CLSTN2: variants seen among roughly 807,000 people sequenced by gnomAD.
CLSTN2 encodes calsyntenin-2.
A neutral mutation model predicts 101.2 loss-of-function variants in CLSTN2; 48 were observed. The observed-to-expected ratio is 0.47, with a 90% confidence interval of 0.38 to 0.60. The LOEUF is 0.60. Ranked by LOEUF, CLSTN2 falls within the 20% of genes least tolerant of loss-of-function variation. The pLI is 0.00. For synonymous variants in CLSTN2, 481 were observed against 463.6 expected (o/e 1.04, Z -0.48); for missense variants, 1,160 against 1,238.2 (o/e 0.94, Z 0.95).
chr3:140,167,545 C>T (rs140173795), intron 1 of CLSTN2, among the ~76,000 whole-genome samples: 353 of 152,274 alleles, frequency 2.3e-3, no homozygotes, highest in African/African-American at 8.1e-3. Context: ...ACATGTATTG[C>T]GGCATAATTT....
At chr3:140,337,376 T>A (rs1315578636) in intron 2 of CLSTN2, among the ~76,000 whole-genome samples, 3 of 152,206 alleles carry the variant, frequency 2.0e-5, no homozygotes, top group Non-Finnish European at 4.4e-5. Context: ...ATTCTCCCTG[T>A]GTCTTTATAT....
chr3:140,438,359 A>G lies in CLSTN2; in HGVS notation c.788-10160A>G, dbSNP rs1040272832. On this transcript the variant is annotated intron_variant, in intron 5 of 16. Coordinates refer to ENST00000458420, the MANE Select transcript of CLSTN2 (RefSeq NM_022131.3). The stretch of plus-strand genomic sequence containing the variant: ...CCTGCAGAAGTGAGAATTTGATTTC[A>G]GCTTGCGACTCTTGTTCAGCGAAAT... Among the ~76,000 whole-genome samples, 4 of 143,272 alleles carry G rather than the reference A, an allele frequency of 2.8e-5. No individual in the cohort carries two copies. In the Admixed American group the frequency reaches 3.0e-4, roughly 11 times the overall value. 94.0% of individuals were successfully genotyped at this position (143,272 alleles called of 152,430 possible). A position where few individuals can be genotyped will look rare whatever the true frequency, so the allele number is the denominator to read the frequency against.
At chr3:140,135,185 A>G (rs1264664000) in intron 1 of CLSTN2, among the ~76,000 whole-genome samples, 1 of 136,704 alleles carries the variant, frequency 7.3e-6, no homozygotes, top group African/African-American at 2.7e-5. Context: ...TATTACAGTC[A>G]TCCTATGGAA....
Position 140,563,949 on chromosome 3 carries a change from T to C in CLSTN2, c.2483-12T>C. On this transcript the variant is annotated splice_polypyrimidine_tract_variant and intron_variant, in intron 15 of 16. Coordinates refer to ENST00000458420, the MANE Select transcript of CLSTN2 (RefSeq NM_022131.3). ...TGTTCACCATGTCATGCGAGTTTTT[T>C]CCTTGTTCCAGTGGTCCCAAGCATT... The C allele has an allele frequency of 1.9e-6, 3 of 1,612,644 alleles. No individual in the cohort carries two copies. Among genetic ancestry groups the C allele is most frequent in the Non-Finnish European group, 2.5e-6 (3 of 1,178,804 alleles).
At chr3:140,174,054 G>A (rs1472373232) in intron 1 of CLSTN2, among the ~76,000 whole-genome samples, 1 of 152,062 alleles carries the variant, frequency 6.6e-6, no homozygotes, top group African/African-American at 2.4e-5. Flanking sequence ...CTTTTCTATC[G>A]CATTGTCAGG....
chr3:140,098,447 A>G (rs7652623), intron 1 of CLSTN2, among the ~76,000 whole-genome samples: 84,952 of 152,090 alleles, frequency 0.56, 25,070 homozygotes, highest in African/African-American at 0.75. Context: ...CTGATTTCTC[A>G]CCAGCTGTCA....
intron 2 of CLSTN2, among the ~76,000 whole-genome samples, chr3:140,322,034 A>G (rs2087288468): frequency 6.6e-6 from 1 of 152,170 alleles, no homozygotes; most frequent in Non-Finnish European, 1.5e-5. Context: ...ATCTCTTCAG[A>G]CCTCAGGGCC....
chr3:140,097,427 A>C lies in CLSTN2; in HGVS notation c.110-78524A>C, dbSNP rs1454399034. On this transcript the variant is annotated intron_variant, in intron 1 of 16. Transcript: ENST00000458420. ...TCAGCCTACCATTTTTCTTGCGATC[A>C]CCTTGATGATAATAATGCTCACAGC... is the stretch of plus-strand genomic sequence containing the variant. Among the ~76,000 whole-genome samples, 5 of 152,242 alleles carry C rather than the reference A, an allele frequency of 3.3e-5. No homozygotes were observed. The South Asian group carries it at 1.0e-3, about 32-fold the overall frequency.
At chr3:140,203,369 G>T (rs2010741929) in intron 2 of CLSTN2, among the ~76,000 whole-genome samples, 1 of 151,048 alleles carries the variant, frequency 6.6e-6, no homozygotes, top group Non-Finnish European at 1.5e-5. Context: ...AGTGAGGCAG[G>T]ACCCACTCCA....
At chr3:140,519,229 G>A (rs1393993843) in intron 8 of CLSTN2, among the ~76,000 whole-genome samples, 1 of 152,202 alleles carries the variant, frequency 6.6e-6, no homozygotes, top group African/African-American at 2.4e-5. Flanking sequence ...TGCATTCACT[G>A]AGGAGTCTTT....
chr3:140,198,018 T>C (rs1486294548), intron 2 of CLSTN2, among the ~76,000 whole-genome samples: 3 of 152,192 alleles, frequency 2.0e-5, no homozygotes, highest in Non-Finnish European at 4.4e-5. Flanking sequence ...TGAAGTGGTC[T>C]TGAAAGTCCT....
chr3:140,101,349 A>G (rs2008961862), intron 1 of CLSTN2, among the ~76,000 whole-genome samples: 1 of 152,212 alleles, frequency 6.6e-6, no homozygotes, highest in African/African-American at 2.4e-5. Context: ...TTATTACTGC[A>G]TATGCCAGTG....
At chr3:140,087,795 T>C (rs1022173645) in intron 1 of CLSTN2, among the ~76,000 whole-genome samples, 33 of 151,980 alleles carry the variant, frequency 2.2e-4, no homozygotes, top group African/African-American at 8.0e-4. Context: ...GGAGGTGAAT[T>C]TTGAGTTAAG....
At chr3:140,472,764 C>A (rs1201192502) in intron 8 of CLSTN2, among the ~76,000 whole-genome samples, 5 of 152,136 alleles carry the variant, frequency 3.3e-5, no homozygotes, top group African/African-American at 1.2e-4. Flanking sequence ...CATCAAATTG[C>A]AGGGTTGTTC....
chr3:140,231,902 C>A (rs573801819), intron 2 of CLSTN2, among the ~76,000 whole-genome samples: 6 of 152,314 alleles, frequency 3.9e-5, no homozygotes, highest in Admixed American at 3.3e-4. Context: ...CTGTTTAAAT[C>A]CCATGTCTGT....
chr3:140,030,241 T>G (rs377323221), intron 1 of CLSTN2, among the ~76,000 whole-genome samples: 7 of 152,296 alleles, frequency 4.6e-5, no homozygotes, highest in Admixed American at 2.6e-4. Flanking sequence ...TTTGCAATCC[T>G]GTTGAGAGAC....
At chr3:140,283,816 AGTTTCTT>A (rs2086870890) in intron 2 of CLSTN2, among the ~76,000 whole-genome samples, 2 of 152,072 alleles carry the variant, frequency 1.3e-5, no homozygotes, top group East Asian at 3.8e-4. Context: ...CTGCTCAATC[AGTTTCTT>A]TGATTGCTTC....
At chr3:140,170,842 T>C (rs1343308983) in intron 1 of CLSTN2, among the ~76,000 whole-genome samples, 1 of 152,174 alleles carries the variant, frequency 6.6e-6, no homozygotes, top group Non-Finnish European at 1.5e-5. Context: ...ATCAGCATTT[T>C]ACAGTCGTGG....
chr3:140,451,630 G>A (rs1220923877), intron 6 of CLSTN2, among the ~76,000 whole-genome samples: 7 of 152,170 alleles, frequency 4.6e-5, no homozygotes, highest in Non-Finnish European at 1.0e-4. Flanking sequence ...ATGCAAATCC[G>A]ATCCTGGGGT....
Sources: gnomAD v4.1 joint callset for allele counts (sites outside exome capture counted in the v4.1 genomes callset) on GRCh38, gnomAD v4.1.1 for gene constraint, MANE v1.5 for transcripts, NCBI Gene and HGNC (gene_info 2026-07-23, HGNC 2026-07-21) for gene names.